The following MCF2L2 variants were observed in gnomAD, a reference collection of about 807,000 sequenced individuals.
The protein encoded by MCF2L2 is MCF.2 cell line derived transforming sequence-like 2.
In MCF2L2, 102 loss-of-function variants were observed where a neutral mutation model predicts 150.2. That is an observed-to-expected ratio of 0.68 (90% CI 0.58 to 0.80). The LOEUF (loss-of-function observed/expected upper bound fraction) is 0.80. Among genes scored for constraint, MCF2L2 ranks in the 30% least tolerant of loss-of-function variants. MCF2L2 has a pLI of 0.00. For missense variants in MCF2L2, 1,256 were observed against 1,372.8 expected (o/e 0.91, Z 1.34); for synonymous variants, 465 against 491.3 (o/e 0.95, Z 0.71).
Position 183,181,575 on chromosome 3 carries a change from T to C in MCF2L2, c.3017-1416A>G, listed in dbSNP as rs1336571769. ...AACCCAAGACTCCTCTTTAGAGAAGTCATCCAGCCCTGGGGTCCCCTTATG... is the reference window on the plus strand; with the variant it reads ...AACCCAAGACTCCTCTTTAGAGAAGCCATCCAGCCCTGGGGTCCCCTTATG... On this transcript the variant is annotated intron_variant, in intron 27 of 29. Coordinates refer to ENST00000328913, the MANE Select transcript of MCF2L2 (RefSeq NM_015078.4). The surrounding 1 kb of genome is among the most constrained non-coding windows in gnomAD (Gnocchi z 4.3). Among the ~76,000 whole-genome samples the C allele has an allele frequency of 6.6e-6, 1 of 152,072 alleles. No individual in the cohort carries two copies. The highest frequency in any genetic ancestry group is 2.4e-5 in the African/African-American group (1 of 41,398).
intron 1 of MCF2L2, among the ~76,000 whole-genome samples, chr3:183,395,685 G>A (rs991113145): frequency 5.9e-5 from 9 of 152,188 alleles, no homozygotes; most frequent in South Asian, 2.1e-4. Context: ...TTGGGAGGCC[G>A]AAGTGGGAGG....
In MCF2L2 at chr3:183,306,352, G is replaced by GA. The variant is rs201618528; in HGVS notation, c.1113+3363dup. ...CCAAAGTAAAAAAGAAAGAGTGAGG[G>GA]AAAAAATGGCTAAAATCTTCTGATC... On this transcript the variant is annotated intron_variant, in intron 10 of 29. Coordinates refer to ENST00000328913, the MANE Select transcript of MCF2L2 (RefSeq NM_015078.4). 8.3e-3 allele frequency among the ~76,000 whole-genome samples: 1,266 copies of GA among 152,280 alleles called. 21 individuals carry two copies. The highest frequency in any genetic ancestry group is 0.029 in the African/African-American group (1,212 of 41,556).
intron 15 of MCF2L2, among the ~76,000 whole-genome samples, chr3:183,256,300 A>T (rs1246881606): frequency 2.0e-5 from 3 of 152,206 alleles, no homozygotes; most frequent in Admixed American, 6.5e-5. Flanking sequence ...GTGAGCGAAG[A>T]TGTAACCAGA....
rs548655785 is a variant in MCF2L2, at chr3:183,269,821, G to C, written c.1862+7051C>G. 1.2e-6 allele frequency: 2 copies of C among 1,609,564 alleles called. No homozygotes were observed. Among genetic ancestry groups the C allele is most frequent in the East Asian group, 2.2e-5 (1 of 44,884 alleles). Reference sequence around the variant, plus strand: ...GATATGAGAATGTTGGTTAGTGGCAGAAGAGTCAAAAAATGGCAGTTAATT... The same window carrying C: ...GATATGAGAATGTTGGTTAGTGGCACAAGAGTCAAAAAATGGCAGTTAATT... On this transcript the variant is annotated intron_variant, in intron 15 of 29. Coordinates refer to ENST00000328913, the MANE Select transcript of MCF2L2 (RefSeq NM_015078.4).
rs73066007 is a variant in MCF2L2, at chr3:183,267,341, C to T, written c.1862+9531G>A. ...AGTCTGAATGGGGCTTGGCTCTAAT[C>T]TCTAGTCCTCATTGGACATTTTACA... is the stretch of plus-strand genomic sequence containing the variant. On this transcript the variant is annotated intron_variant, in intron 15 of 29. Coordinates refer to ENST00000328913, the MANE Select transcript of MCF2L2 (RefSeq NM_015078.4). The surrounding 1 kb of genome is among the most constrained non-coding windows in gnomAD (Gnocchi z 5.5). Among the ~76,000 whole-genome samples, 6,218 of 152,334 alleles carry T rather than the reference C, an allele frequency of 0.041. 264 individuals carry two copies. Among genetic ancestry groups the T allele is most frequent in the African/African-American group, 0.1 (4,359 of 41,564 alleles).
chr3:183,361,949 A>G (rs1193524396), intron 3 of MCF2L2, among the ~76,000 whole-genome samples: 1 of 152,230 alleles, frequency 6.6e-6, no homozygotes, highest in African/African-American at 2.4e-5. Flanking sequence ...CATGCACAAA[A>G]TTATTTAAAA....
intron 15 of MCF2L2, among the ~76,000 whole-genome samples, chr3:183,249,650 G>A (rs1163480224): frequency 6.6e-6 from 1 of 152,178 alleles, no homozygotes; most frequent in Admixed American, 6.5e-5. Context: ...AAACTGCTGA[G>A]GCCCTGGAAT....
In MCF2L2 at chr3:183,276,929, T is replaced by G. The variant is rs1282308818; in HGVS notation, c.1805A>C (p.Glu602Ala). 21 of 1,609,896 alleles carry G rather than the reference T, an allele frequency of 1.3e-5. No homozygotes were observed. Among genetic ancestry groups the G allele is most frequent in the Non-Finnish European group, 1.8e-5 (21 of 1,177,920 alleles). Residue 602 changes from glutamate (E) to alanine (A), a missense_variant, in exon 15 of 30, where the codon GAA becomes GCA. Physicochemically the swap from Glu to Ala is moderately radical, Grantham distance 107 (BLOSUM62 -1). Coordinates refer to ENST00000328913, the MANE Select transcript of MCF2L2 (RefSeq NM_015078.4). ...CTGCTCCAGCTCAGGGTTCCCCCTT[T>G]CATGATGGCTTTCAAAGATTTCTTC... Reference protein sequence around the residue: ...KSEEIFESHHERGNPELEQQA... With the variant: ...KSEEIFESHHARGNPELEQQA...
chr3:183,335,710 A>AATT (rs770854961), intron 5 of MCF2L2, among the ~76,000 whole-genome samples: 3 of 143,970 alleles, frequency 2.1e-5, no homozygotes, highest in Non-Finnish European at 4.5e-5. Flanking sequence ...TCTAAAAAAA[A>AATT]TTAAAAAATC....
intron 6 of MCF2L2, among the ~76,000 whole-genome samples, chr3:183,320,200 C>A (rs961964281): frequency 6.0e-5 from 9 of 151,198 alleles, no homozygotes; most frequent in African/African-American, 2.2e-4. Flanking sequence ...TCAAGCGATT[C>A]TCCTGCCTCA....
intron 15 of MCF2L2, among the ~76,000 whole-genome samples, chr3:183,238,418 C>T (rs1202734140): frequency 7.2e-5 from 11 of 151,850 alleles, no homozygotes; most frequent in Non-Finnish European, 1.3e-4. Flanking sequence ...CCTCAGACTC[C>T]CGAGTAGCTG....
At position 183,350,490 on chromosome 3, in the gene MCF2L2, T is replaced by G. The variant is rs571938723; in HGVS notation, c.276-8860A>C. 3.9e-5 allele frequency among the ~76,000 whole-genome samples: 6 copies of G among 152,330 alleles called. No homozygotes were observed. The East Asian group carries it at 1.2e-3, about 29-fold the overall frequency. ...ACACCTGCACAAATACTCTTTGATA[T>G]GATTGTCATACTCGCTCTATGAGGT... is the stretch of plus-strand genomic sequence containing the variant. On this transcript the variant is annotated intron_variant, in intron 3 of 29. Coordinates refer to ENST00000328913, the MANE Select transcript of MCF2L2 (RefSeq NM_015078.4).
intron 26 of MCF2L2, among the ~76,000 whole-genome samples, chr3:183,193,357 CTT>C (rs765523814): frequency 7.2e-6 from 1 of 139,444 alleles, no homozygotes. Context: ...CTTTTTCTTT[CTT>C]TTTTTTTTTG....
intron 1 of MCF2L2, 76 bp downstream of exon 1, chr3:183,427,826 C>T: frequency 7.7e-7 from 1 of 1,296,968 alleles, no homozygotes; most frequent in Non-Finnish European, 1.1e-6. Context: ...CGGGTGAGGC[C>T]AGGAGCCAGA....
rs531286314 is a variant in MCF2L2, at chr3:183,197,057, T to C, written c.2885-1802A>G. On this transcript the variant is annotated intron_variant, in intron 25 of 29. Transcript: ENST00000328913. The surrounding 1 kb of genome is among the most constrained non-coding windows in gnomAD (Gnocchi z 4.5). ...TGTTAAGAAGTCAATTCTCACCAAA[T>C]TGTTCTAGAGATTTTACATAATCCT... is the stretch of plus-strand genomic sequence containing the variant. 6.6e-6 allele frequency among the ~76,000 whole-genome samples: 1 copy of C among 152,308 alleles called. No homozygotes were observed. Among genetic ancestry groups the C allele is most frequent in the East Asian group, 1.9e-4 (1 of 5,186 alleles).
intron 15 of MCF2L2, among the ~76,000 whole-genome samples, chr3:183,249,188 T>A (rs1195582083): frequency 2.0e-5 from 3 of 152,224 alleles, no homozygotes; most frequent in Non-Finnish European, 4.4e-5. Context: ...GAGAAAGAGC[T>A]GAGTTAGAGG....
chr3:183,214,313 TAC>T (rs1722836388), intron 22 of MCF2L2, among the ~76,000 whole-genome samples: 2 of 152,236 alleles, frequency 1.3e-5, no homozygotes, highest in Admixed American at 1.3e-4. Context: ...ATGATCCTTA[TAC>T]ACACCCTAAC....
rs1371327137 is a variant in MCF2L2, at chr3:183,179,734, G to A, written c.3106-42C>T. 6.4e-7 allele frequency: 1 copy of A among 1,567,022 alleles called. No individual in the cohort carries two copies. The highest frequency in any genetic ancestry group is 8.8e-7 in the Non-Finnish European group (1 of 1,139,364). ...GGGTGCACCCTCAGAGTTATTGCTG[G>A]AGGCTGTGGCCAGACCGGGCAAGGT... On this transcript the variant is annotated intron_variant, in intron 28 of 29. Transcript: ENST00000328913. This position sits in a 1 kb window ranked among gnomAD's most constrained non-coding sequence, Gnocchi z 4.2.
At chr3:183,280,696 A>C (rs935688690) in intron 14 of MCF2L2, among the ~76,000 whole-genome samples, 1 of 152,036 alleles carries the variant, frequency 6.6e-6, no homozygotes, top group Non-Finnish European at 1.5e-5. Flanking sequence ...TAAAAACACA[A>C]AATTAGCTGG....
Sources: allele counts gnomAD v4.1 joint callset (sites outside exome capture counted in the v4.1 genomes callset), GRCh38; gene constraint gnomAD v4.1.1; non-coding constraint Gnocchi (gnomAD v3.1); transcripts MANE v1.5; gene names NCBI Gene and HGNC (gene_info 2026-07-23, HGNC 2026-07-21).